Variants in VGLL2 observed in about 807,000 individuals in gnomAD.
The protein encoded by VGLL2 is transcription cofactor vestigial-like protein 2.
Under a neutral mutation model 27.0 loss-of-function variants are expected in VGLL2, and 18 were observed. The ratio of observed to expected loss-of-function variants is 0.67; its 90% CI spans 0.46 to 0.99. The LOEUF is 0.99. Ranked by LOEUF, VGLL2 falls within the 50% of genes least tolerant of loss-of-function variation. The probability of loss-of-function intolerance (pLI) is 0.00; values close to 1 mark genes in which losing one functional copy is unlikely to be tolerated. For synonymous variants in VGLL2, 220 were observed against 201.1 expected (o/e 1.09, Z -0.80); for missense variants, 491 against 452.3 (o/e 1.09, Z -0.78).
Position 117,272,355 on chromosome 6 carries a change from C to A in VGLL2, c.914-99C>A, listed in dbSNP as rs1724777. 88 of 1,606,320 alleles carry A rather than the reference C, an allele frequency of 5.5e-5. 1 individual carries two copies. The South Asian group carries it at 8.1e-4, about 15-fold the overall frequency. On this transcript the variant is annotated intron_variant, in intron 3 of 3. Coordinates refer to ENST00000326274, the MANE Select transcript of VGLL2 (RefSeq NM_182645.3). The stretch of plus-strand genomic sequence containing the variant: ...GCAAGGATGTGTACTGGTTTTAGAC[C>A]GCCCACCTTCTTCCCTGTAGGTCTC...
rs759388576 is a variant in VGLL2 at position 117,272,456 on chromosome 6, C to T, written c.916C>T (p.Arg306Cys). The change falls in exon 4 of 4, where the codon CGT becomes TGT. Residue 306 changes from arginine (R) to cysteine (C), a missense_variant and splice_region_variant. By Grantham distance (180) the Arg-to-Cys change is radical (BLOSUM62 -3). Coordinates refer to ENST00000326274, the MANE Select transcript of VGLL2 (RefSeq NM_182645.3). Reference protein sequence around the residue: ...QGLGLSVDSARRYSLCGASLL... With the variant: ...QGLGLSVDSACRYSLCGASLL... ...CAGCTTCTGATCTTGGTTTGCAGCTCGTCGTTATTCCCTCTGTGGTGCATC... is the reference window on the plus strand; with the variant it reads ...CAGCTTCTGATCTTGGTTTGCAGCTTGTCGTTATTCCCTCTGTGGTGCATC... 1.2e-5 allele frequency: 19 copies of T among 1,614,044 alleles called. No individual in the cohort carries two copies. Among genetic ancestry groups the T allele is most frequent in the Non-Finnish European group, 8.5e-6 (10 of 1,180,050 alleles).
At position 117,272,859 on chromosome 6, in the gene VGLL2, G is replaced by A. The variant is rs977786854; in HGVS notation, c.*365G>A. Reference sequence around the variant, plus strand: ...CTGATGTGAATTATTTTGTTAGGTAGTGTGATTATAGCACTACTACTGTCA... The same window carrying A: ...CTGATGTGAATTATTTTGTTAGGTAATGTGATTATAGCACTACTACTGTCA... On this transcript the variant is annotated 3_prime_UTR_variant, in exon 4 of 4. Transcript: ENST00000326274. 2 of 312,376 alleles carry A rather than the reference G, an allele frequency of 6.4e-6. No homozygotes were observed. The highest frequency in any genetic ancestry group is 1.5e-4 in the East Asian group (2 of 13,140). The allele number at this position is 312,376 out of a possible 1,614,324, so 19.4% of individuals were successfully genotyped here.
chr6:117,270,909 G>A lies in VGLL2; in HGVS notation c.758G>A (p.Arg253His), dbSNP rs1362571582. ...CCAGCCGCCTCGGGGCGCCCGGCCC[G>A]CCTCGCAACCGCCCCGGCGCCCGCG... is the stretch of plus-strand genomic sequence containing the variant. Reference protein sequence around the residue: ...LMPAASGRPARLATAPAPAPG... With the variant: ...LMPAASGRPAHLATAPAPAPG... Residue 253 changes from arginine (R) to histidine (H), a missense_variant, in exon 3 of 4, where the codon CGC (arginine) becomes CAC (histidine). Coordinates refer to ENST00000326274, the MANE Select transcript of VGLL2 (RefSeq NM_182645.3). 9.5e-6 allele frequency: 12 copies of A among 1,257,754 alleles called. No homozygotes were observed. The African/African-American group carries it at 1.3e-4, about 13-fold the overall frequency. 77.9% of individuals were successfully genotyped at this position (1,257,754 alleles called of 1,614,324 possible).
In VGLL2 at chr6:117,270,996, G is replaced by C; in HGVS notation, c.845G>C (p.Gly282Ala). 8.1e-7 allele frequency: 1 copy of C among 1,232,738 alleles called. No homozygotes were observed. Among genetic ancestry groups the C allele is most frequent in the Non-Finnish European group, 1.0e-6 (1 of 991,146 alleles). 76.4% of individuals were successfully genotyped at this position (1,232,738 alleles called of 1,614,324 possible). A position where few individuals can be genotyped will look rare whatever the true frequency, so the allele number is the denominator to read the frequency against. The change falls in exon 3 of 4, where the codon GGG becomes GCG. Residue 282 changes from glycine to alanine, a missense_variant. Gly to Ala is a moderately conservative substitution (Grantham distance 60, BLOSUM62 0). Coordinates refer to ENST00000326274, the MANE Select transcript of VGLL2 (RefSeq NM_182645.3). ...GAGCCGGCGGGCGCCGCGTGGGCCG[G>C]GCCCGGGGGACCCTTCGCGAGCCCC... ...KGEPAGAAWAGPGGPFASPSG... is the reference protein window; with the variant it reads ...KGEPAGAAWAAPGGPFASPSG...
Position 117,272,729 on chromosome 6 carries a change from T to C in VGLL2, c.*235T>C, listed in dbSNP as rs1773227271. On this transcript the variant is annotated 3_prime_UTR_variant, in exon 4 of 4. Transcript: ENST00000326274. ...GTTTAATGACTTTTGGCCGAATCAC[T>C]GGAAATATCTGTGGTGAGATTGCTG... 3.5e-6 allele frequency: 2 copies of C among 569,428 alleles called. No homozygotes were observed. Among genetic ancestry groups the C allele is most frequent in the African/African-American group, 1.9e-5 (1 of 52,682 alleles). The allele number at this position is 569,428 out of a possible 1,614,324, so 35.3% of individuals were successfully genotyped here. A position where few individuals can be genotyped will look rare whatever the true frequency, so the allele number is the denominator to read the frequency against.
chr6:117,268,168 C>T lies in VGLL2; in HGVS notation c.82-14C>T. The T allele has an allele frequency of 6.2e-7, 1 of 1,610,570 alleles. No individual in the cohort carries two copies. Among genetic ancestry groups the T allele is most frequent in the Non-Finnish European group, 8.5e-7 (1 of 1,178,028 alleles). On this transcript the variant is annotated splice_polypyrimidine_tract_variant and intron_variant, in intron 1 of 3. Coordinates refer to ENST00000326274, the MANE Select transcript of VGLL2 (RefSeq NM_182645.3). ...TTTGAAATTGATATCTCTGTTCTTT[C>T]TCTCTCTGAACAGAAACTAGCCTAT...
At chr6:117,268,125 A>G (rs1773105686) in intron 1 of VGLL2, 57 bp from the exon 2 acceptor site, 1 of 1,561,964 alleles carries the variant, frequency 6.4e-7, no homozygotes, top group Admixed American at 1.7e-5. Flanking sequence ...ATCAGTCTGA[A>G]CCGAATTTGC....
chr6:117,268,303 GC>G lies in VGLL2; in HGVS notation c.204del (p.Ser69AlafsTer39). ...CCAGCCAGTATAAAAGAGGAAGAAG[GC>G]AGCCCAGAGAAAGAGCGCCCACCAG... ...QTPASIKEEE[G>X]SPEKERPPEA... On this transcript the variant is annotated frameshift_variant, in exon 2 of 4. Transcript: ENST00000326274. 6.2e-7 allele frequency: 1 copy of G among 1,614,176 alleles called. No individual in the cohort carries two copies. Among genetic ancestry groups the G allele is most frequent in the Non-Finnish European group, 8.5e-7 (1 of 1,180,048 alleles).
chr6:117,266,080 G>A (rs1773062388), intron 1 of VGLL2, among the ~76,000 whole-genome samples: 1 of 152,230 alleles, frequency 6.6e-6, no homozygotes. Flanking sequence ...TGTGAGCCTA[G>A]GTCTTCCCTG....
intron 2 of VGLL2, among the ~76,000 whole-genome samples, chr6:117,270,158 T>C (rs949091641): frequency 6.6e-6 from 1 of 152,068 alleles, no homozygotes; most frequent in Non-Finnish European, 1.5e-5. Context: ...GAGGCCGTGC[T>C]GCGCTGAGTC....
Position 117,268,255 on chromosome 6 carries a change from GCTC to G in VGLL2, c.159_161del (p.Ser54del). The G allele has an allele frequency of 2.5e-6, 4 of 1,614,028 alleles. No individual in the cohort carries two copies. Among genetic ancestry groups the G allele is most frequent in the Non-Finnish European group, 3.4e-6 (4 of 1,180,046 alleles). On this transcript the variant is annotated inframe_deletion, in exon 2 of 4. Coordinates refer to ENST00000326274, the MANE Select transcript of VGLL2 (RefSeq NM_182645.3). ...AGCCCCAGCAGCAGTGGCAGCGGCAGCTCCTCATTTTCCAGCCAAACCCCAGCC... is the reference window on the plus strand; with the variant it reads ...AGCCCCAGCAGCAGTGGCAGCGGCAGCTCATTTTCCAGCCAAACCCCAGCC...
intron 1 of VGLL2, among the ~76,000 whole-genome samples, 155 bp downstream of exon 1, chr6:117,265,999 A>T (rs1207672893): frequency 6.6e-6 from 1 of 152,202 alleles, no homozygotes; most frequent in African/African-American, 2.4e-5. Flanking sequence ...AGCCGCCCCC[A>T]GTTGGTAGTG....
At chr6:117,268,733 C>T (rs193022022) in intron 2 of VGLL2, among the ~76,000 whole-genome samples, 296 of 152,334 alleles carry the variant, frequency 1.9e-3, no homozygotes, top group African/African-American at 6.8e-3. Flanking sequence ...GGTTCCACCA[C>T]TTCCTAGCAA....
At chr6:117,272,236 TTC>T in intron 3 of VGLL2, 17 of 876,654 alleles carry the variant, frequency 1.9e-5, no homozygotes, top group East Asian at 1.2e-4. Flanking sequence ...CTCCTTCTTC[TTC>T]TCTCTCTCCC....
Position 117,270,757 on chromosome 6 carries a change from G to T in VGLL2, c.606G>T (p.Ala202=), listed in dbSNP as rs757785717. The T allele has an allele frequency of 3.3e-6, 5 of 1,504,994 alleles. No homozygotes were observed. The East Asian group carries it at 1.1e-4, about 33-fold the overall frequency. The allele number at this position is 1,504,994 out of a possible 1,614,324, so 93.2% of individuals were successfully genotyped here. The change falls in exon 3 of 4, where the codon GCG becomes GCT. Residue 202 remains alanine, a synonymous_variant. Coordinates refer to ENST00000326274, the MANE Select transcript of VGLL2 (RefSeq NM_182645.3). ...EPWHHAHPHH[A]HPHHPYALGG... ...GGCACCACGCGCACCCGCACCACGC[G>T]CACCCGCATCACCCCTACGCCCTGG...
chr6:117,273,596 A>G (rs1773248989), downstream of VGLL2: 1 of 152,230 alleles, frequency 6.6e-6, no homozygotes, highest in Non-Finnish European at 1.5e-5. Flanking sequence ...AAAAGAAAAT[A>G]AATAACTTAG....
At position 117,270,618 on chromosome 6, in the gene VGLL2, C is replaced by G; in HGVS notation, c.467C>G (p.Pro156Arg). The G allele has an allele frequency of 6.3e-7, 1 of 1,592,576 alleles. No individual in the cohort carries two copies. ...WNSAYQAPVPPPLGSPLATAH... is the reference protein window; with the variant it reads ...WNSAYQAPVPRPLGSPLATAH... Reference sequence around the variant, plus strand: ...AGCGCGTACCAGGCGCCAGTGCCCCCGCCGCTGGGCAGCCCTCTGGCCACC... The same window carrying G: ...AGCGCGTACCAGGCGCCAGTGCCCCGGCCGCTGGGCAGCCCTCTGGCCACC... Residue 156 changes from proline (P) to arginine (R), a missense_variant, in exon 3 of 4, where the codon CCG (proline) becomes CGG (arginine). Physicochemically the swap from Pro to Arg is moderately radical, Grantham distance 103. Coordinates refer to ENST00000326274, the MANE Select transcript of VGLL2 (RefSeq NM_182645.3).
At chr6:117,271,330 A>AATAATAATAATAATG (rs1554217557) in intron 3 of VGLL2, among the ~76,000 whole-genome samples, 92 of 139,734 alleles carry the variant, frequency 6.6e-4, no homozygotes, top group African/African-American at 2.2e-3. Context: ...TAATGATAAT[A>AATAATAATAATAATG]ATAATAATAA....
rs1168658898 is a variant in VGLL2 at position 117,272,483 on chromosome 6, C to T, written c.943C>T (p.Leu315Phe). ...TCGTTATTCCCTCTGTGGTGCATCC[C>T]TCCTGAGCTGATCTGCTGACCCAGG... ...ARRYSLCGAS[L>F]LS Residue 315 changes from leucine to phenylalanine, a missense_variant, in exon 4 of 4, where the codon CTC (leucine) becomes TTC (phenylalanine). Physicochemically the swap from Leu to Phe is conservative, Grantham distance 22. Transcript: ENST00000326274. 6.2e-7 allele frequency: 1 copy of T among 1,614,188 alleles called. No individual in the cohort carries two copies. Among genetic ancestry groups the T allele is most frequent in the Non-Finnish European group, 8.5e-7 (1 of 1,180,034 alleles).
Sources: gnomAD v4.1 joint callset for allele counts (sites outside exome capture counted in the v4.1 genomes callset) on GRCh38, gnomAD v4.1.1 for gene constraint, MANE v1.5 for transcripts, NCBI Gene and HGNC (gene_info 2026-07-23, HGNC 2026-07-21) for gene names.